Variants in FSBP observed in about 807,000 individuals in gnomAD.
The protein encoded by FSBP is fibrinogen silencer-binding protein.
FSBP carries 18 observed loss-of-function variants against 24.6 expected under a neutral mutation model. That is an observed-to-expected ratio of 0.73 (90% CI 0.51 to 1.08). The LOEUF is 1.08. Among genes scored for constraint, FSBP ranks in the 50% least tolerant of loss-of-function variants. FSBP has a pLI of 0.00. For synonymous variants in FSBP, 110 were observed against 125.8 expected (o/e 0.87, Z 0.84); for missense variants, 305 against 347.6 (o/e 0.88, Z 0.98).
rs1217060343 is a variant in FSBP at position 94,432,665 on chromosome 8, C to T, written c.375-9G>A. On this transcript the variant is annotated splice_polypyrimidine_tract_variant and intron_variant, in intron 1 of 1. Coordinates refer to ENST00000481490, the MANE Select transcript of FSBP (RefSeq NM_001256141.2). The stretch of plus-strand genomic sequence containing the variant: ...CCTCATCCAAGTTTGCACTATAGCA[C>T]ACAAAAAAGCATTATAATATGTAAA... 1 of 1,480,706 alleles carries T rather than the reference C, an allele frequency of 6.8e-7. No individual in the cohort carries two copies. The highest frequency in any genetic ancestry group is 9.0e-7 in the Non-Finnish European group (1 of 1,114,380). 91.7% of individuals were successfully genotyped at this position (1,480,706 alleles called of 1,614,324 possible). A position where few individuals can be genotyped will look rare whatever the true frequency, so the allele number is the denominator to read the frequency against.
In FSBP at chr8:94,436,924, T is replaced by C. The variant is rs1586022714; in HGVS notation, c.-56A>G. The C allele has an allele frequency of 1.4e-6, 2 of 1,459,816 alleles. No homozygotes were observed. The highest frequency in any genetic ancestry group is 5.0e-5 in the East Asian group (2 of 40,030). 90.4% of individuals were successfully genotyped at this position (1,459,816 alleles called of 1,614,324 possible). On this transcript the variant is annotated 5_prime_UTR_variant, in exon 1 of 2. Coordinates refer to ENST00000481490, the MANE Select transcript of FSBP (RefSeq NM_001256141.2). ...GAAACCACCATGCAGCCTTCAGCTCTGCTCAGCTCTTTTCACAAACAGAAA... is the reference window on the plus strand; with the variant it reads ...GAAACCACCATGCAGCCTTCAGCTCCGCTCAGCTCTTTTCACAAACAGAAA...
chr8:94,427,942 AT>A lies in FSBP; in HGVS notation c.*4188del. ...GTAGAATGACTCCTTAAAAAAAAAA[AT>A]GAAATAACACCAAGTTAATATCTCA... On this transcript the variant is annotated 3_prime_UTR_variant, in exon 2 of 2. Coordinates refer to ENST00000481490, the MANE Select transcript of FSBP (RefSeq NM_001256141.2). 2.4e-6 allele frequency: 2 copies of A among 843,016 alleles called. No homozygotes were observed. Among genetic ancestry groups the A allele is most frequent in the Non-Finnish European group, 2.8e-6 (2 of 701,812 alleles). 52.2% of individuals were successfully genotyped at this position (843,016 alleles called of 1,614,324 possible).
At chr8:94,435,900 A>G (rs1812243987) in intron 1 of FSBP, among the ~76,000 whole-genome samples, 1 of 152,128 alleles carries the variant, frequency 6.6e-6, no homozygotes, top group African/African-American at 2.4e-5. Context: ...ATTAGGCATT[A>G]ACTCCCTTTA....
chr8:94,427,840 T>C lies in FSBP; in HGVS notation c.*4291A>G. 1.0e-6 allele frequency: 1 copy of C among 961,290 alleles called. No individual in the cohort carries two copies. The highest frequency in any genetic ancestry group is 1.8e-5 in the African/African-American group (1 of 56,766). The allele number at this position is 961,290 out of a possible 1,614,324, so 59.5% of individuals were successfully genotyped here. On this transcript the variant is annotated 3_prime_UTR_variant, in exon 2 of 2. Coordinates refer to ENST00000481490, the MANE Select transcript of FSBP (RefSeq NM_001256141.2). ...TTATTTAAACATGTGTATTTAAAAG[T>C]TGACATTACTCCAAAAGAAGGCACA... is the stretch of plus-strand genomic sequence containing the variant.
intron 1 of FSBP, among the ~76,000 whole-genome samples, chr8:94,435,870 T>C (rs187575591): frequency 6.6e-6 from 1 of 152,250 alleles, no homozygotes; most frequent in African/African-American, 2.4e-5. Context: ...TTTAATTTTA[T>C]TAAGTAAACT....
At chr8:94,432,858 C>G (rs1812149313) in intron 1 of FSBP, among the ~76,000 whole-genome samples, 1 of 151,950 alleles carries the variant, frequency 6.6e-6, no homozygotes, top group Non-Finnish European at 1.5e-5. Flanking sequence ...ACAGATCTCC[C>G]CCATCCTTAA....
chr8:94,429,636 T>C lies in FSBP; in HGVS notation c.*2495A>G. The C allele has an allele frequency of 1.0e-6, 1 of 983,632 alleles. No homozygotes were observed. Among genetic ancestry groups the C allele is most frequent in the South Asian group, 4.7e-5 (1 of 21,248 alleles). 60.9% of individuals were successfully genotyped at this position (983,632 alleles called of 1,614,324 possible). A position where few individuals can be genotyped will look rare whatever the true frequency, so the allele number is the denominator to read the frequency against. ...TTACTAGAATTATACTGGGAAACAT[T>C]ACCTCAAATTAAGAATTACAAGATT... is the stretch of plus-strand genomic sequence containing the variant. On this transcript the variant is annotated 3_prime_UTR_variant, in exon 2 of 2. Transcript: ENST00000481490.
chr8:94,428,944 TAA>T lies in FSBP; in HGVS notation c.*3185_*3186del. The T allele has an allele frequency of 8.1e-6, 8 of 983,436 alleles. No individual in the cohort carries two copies. Among genetic ancestry groups the T allele is most frequent in the Non-Finnish European group, 8.5e-6 (7 of 828,158 alleles). The allele number at this position is 983,436 out of a possible 1,614,324, so 60.9% of individuals were successfully genotyped here. On this transcript the variant is annotated 3_prime_UTR_variant, in exon 2 of 2. Transcript: ENST00000481490. Reference sequence around the variant, plus strand: ...CTCGGAAAAGGATTCTATGGTCAAATAAATAATTTTCTTTATACAGGAATTCT... The same window carrying T: ...CTCGGAAAAGGATTCTATGGTCAAATATAATTTTCTTTATACAGGAATTCT...
At position 94,428,767 on chromosome 8, in the gene FSBP, T is replaced by C; in HGVS notation, c.*3364A>G. On this transcript the variant is annotated 3_prime_UTR_variant, in exon 2 of 2. Transcript: ENST00000481490. ...TTGTACTAGCAAACTTTCCCCTATA[T>C]ATTCCCCTTAATGAAACTTGTCCTC... is the stretch of plus-strand genomic sequence containing the variant. 8 of 985,254 alleles carry C rather than the reference T, an allele frequency of 8.1e-6. No homozygotes were observed. Among genetic ancestry groups the C allele is most frequent in the Non-Finnish European group, 8.4e-6 (7 of 829,846 alleles). The allele number at this position is 985,254 out of a possible 1,614,324, so 61.0% of individuals were successfully genotyped here.
Position 94,436,899 on chromosome 8 carries a change from G to A in FSBP, c.-31C>T. On this transcript the variant is annotated 5_prime_UTR_variant, in exon 1 of 2. Transcript: ENST00000481490. The stretch of plus-strand genomic sequence containing the variant: ...TTTTCAAATTAAGTAGGCAGTTTCT[G>A]AAACCACCATGCAGCCTTCAGCTCT... 2 of 1,488,718 alleles carry A rather than the reference G, an allele frequency of 1.3e-6. No homozygotes were observed. Among genetic ancestry groups the A allele is most frequent in the Non-Finnish European group, 8.9e-7 (1 of 1,121,778 alleles). 92.2% of individuals were successfully genotyped at this position (1,488,718 alleles called of 1,614,324 possible).
In FSBP at chr8:94,430,851, T is replaced by C; in HGVS notation, c.*1280A>G. 1.0e-6 allele frequency: 1 copy of C among 985,468 alleles called. No individual in the cohort carries two copies. The highest frequency in any genetic ancestry group is 1.1e-4 in the East Asian group (1 of 8,822). 61.0% of individuals were successfully genotyped at this position (985,468 alleles called of 1,614,324 possible). A position where few individuals can be genotyped will look rare whatever the true frequency, so the allele number is the denominator to read the frequency against. ...CCCTACCTAGTCCAGGGAGATGTCCTTCCTAGTCCAGGATACTACAGCCCA... is the reference window on the plus strand; with the variant it reads ...CCCTACCTAGTCCAGGGAGATGTCCCTCCTAGTCCAGGATACTACAGCCCA... On this transcript the variant is annotated 3_prime_UTR_variant, in exon 2 of 2. Coordinates refer to ENST00000481490, the MANE Select transcript of FSBP (RefSeq NM_001256141.2).
Position 94,431,381 on chromosome 8 carries a change from A to T in FSBP, c.*750T>A. 1 of 984,560 alleles carries T rather than the reference A, an allele frequency of 1.0e-6. No individual in the cohort carries two copies. Among genetic ancestry groups the T allele is most frequent in the Non-Finnish European group, 1.2e-6 (1 of 829,172 alleles). 61.0% of individuals were successfully genotyped at this position (984,560 alleles called of 1,614,324 possible). On this transcript the variant is annotated 3_prime_UTR_variant, in exon 2 of 2. Transcript: ENST00000481490. The stretch of plus-strand genomic sequence containing the variant: ...AATAGAGAGAGAATGGGGGTAATTG[A>T]TGTAATTATCCTGATTTCACAACCT...
Position 94,436,937 on chromosome 8 carries a change from T to C in FSBP, c.-69A>G, listed in dbSNP as rs538840459. 18 of 1,452,828 alleles carry C rather than the reference T, an allele frequency of 1.2e-5. No homozygotes were observed. Among genetic ancestry groups the C allele is most frequent in the African/African-American group, 1.4e-5 (1 of 69,496 alleles). The allele number at this position is 1,452,828 out of a possible 1,614,324, so 90.0% of individuals were successfully genotyped here. A position where few individuals can be genotyped will look rare whatever the true frequency, so the allele number is the denominator to read the frequency against. On this transcript the variant is annotated 5_prime_UTR_variant, in exon 1 of 2. Transcript: ENST00000481490. ...AGCCTTCAGCTCTGCTCAGCTCTTT[T>C]CACAAACAGAAAAAGATCAGGCTTA...
At chr8:94,434,308 G>C (rs1812198836) in intron 1 of FSBP, among the ~76,000 whole-genome samples, 1 of 151,600 alleles carries the variant, frequency 6.6e-6, no homozygotes, top group South Asian at 2.1e-4. Context: ...TTCCATTTTA[G>C]CTAAAACATT....
Position 94,431,947 on chromosome 8 carries a change from G to T in FSBP, c.*184C>A. ...AGAAGACAATAAAAACTATAACCAT[G>T]CCAACCAACCAGTAAATTTTAATAT... On this transcript the variant is annotated 3_prime_UTR_variant, in exon 2 of 2. Transcript: ENST00000481490. 1.6e-6 allele frequency: 2 copies of T among 1,271,198 alleles called. No individual in the cohort carries two copies. The highest frequency in any genetic ancestry group is 1.6e-5 in the African/African-American group (1 of 64,492). The allele number at this position is 1,271,198 out of a possible 1,614,324, so 78.7% of individuals were successfully genotyped here.
chr8:94,434,907 G>A (rs1032253565), intron 1 of FSBP, among the ~76,000 whole-genome samples: 1 of 151,092 alleles, frequency 6.6e-6, no homozygotes, highest in Non-Finnish European at 1.5e-5. Flanking sequence ...TGTGAATATT[G>A]TAAATATTCA....
intron 1 of FSBP, among the ~76,000 whole-genome samples, 198 bp from the exon 2 acceptor site, chr8:94,432,854 C>G (rs1011919856): frequency 1.3e-5 from 2 of 152,022 alleles, no homozygotes; most frequent in Admixed American, 1.3e-4. Context: ...ACTCACAGAT[C>G]TCCCCCATCC....
In FSBP at chr8:94,436,853, T is replaced by C. The variant is rs1389700641; in HGVS notation, c.16A>G (p.Arg6Gly). Residue 6 changes from arginine (R) to glycine (G), a missense_variant, in exon 1 of 2, where the codon AGA becomes GGA. Physicochemically the swap from Arg to Gly is moderately radical, Grantham distance 125. Coordinates refer to ENST00000481490, the MANE Select transcript of FSBP (RefSeq NM_001256141.2). MVGKA[R>G]SSNFTLSEKL... ...TCGGATAAGGTAAAATTGGAAGATCTAGCCTTTCCTACCATTGTTCTTTTC... is the reference window on the plus strand; with the variant it reads ...TCGGATAAGGTAAAATTGGAAGATCCAGCCTTTCCTACCATTGTTCTTTTC... The C allele has an allele frequency of 1.3e-6, 2 of 1,530,624 alleles. No homozygotes were observed. Among genetic ancestry groups the C allele is most frequent in the Non-Finnish European group, 1.8e-6 (2 of 1,139,186 alleles). 94.8% of individuals were successfully genotyped at this position (1,530,624 alleles called of 1,614,324 possible).
At position 94,430,759 on chromosome 8, in the gene FSBP, A is replaced by AT. The variant is rs1437627170; in HGVS notation, c.*1371dup. The AT allele has an allele frequency of 1.7e-5, 17 of 982,632 alleles. No individual in the cohort carries two copies. Among genetic ancestry groups the AT allele is most frequent in the Non-Finnish European group, 1.9e-5 (16 of 827,378 alleles). The allele number at this position is 982,632 out of a possible 1,614,324, so 60.9% of individuals were successfully genotyped here. On this transcript the variant is annotated 3_prime_UTR_variant, in exon 2 of 2. Coordinates refer to ENST00000481490, the MANE Select transcript of FSBP (RefSeq NM_001256141.2). ...ACATTTTAAAATTGGAAGATTCCTC[A>AT]TTAAAAAATGCAGATTTCTGGTTTA...
Sources: allele counts gnomAD v4.1 joint callset (sites outside exome capture counted in the v4.1 genomes callset), GRCh38; gene constraint gnomAD v4.1.1; transcripts MANE v1.5; gene names NCBI Gene and HGNC (gene_info 2026-07-23, HGNC 2026-07-21).